GNL2: variants seen among roughly 807,000 people sequenced by gnomAD.
GNL2 encodes the protein G protein nucleolar 2.
A neutral mutation model predicts 92.3 loss-of-function variants in GNL2; 51 were observed. That is an observed-to-expected ratio of 0.55 (90% CI 0.44 to 0.70). The LOEUF (loss-of-function observed/expected upper bound fraction) is 0.70. Ranked by LOEUF, GNL2 falls within the 30% of genes least tolerant of loss-of-function variation. The pLI is 0.00. For missense variants in GNL2, 844 were observed against 895.6 expected (o/e 0.94, Z 0.74); for synonymous variants, 283 against 300.6 (o/e 0.94, Z 0.61).
chr1:37,579,252 A>G (rs1466221427), intron 8 of GNL2, among the ~76,000 whole-genome samples: 1 of 152,216 alleles, frequency 6.6e-6, no homozygotes, highest in African/African-American at 2.4e-5. Context: ...CTGGATGATC[A>G]AAACAAGGAA....
rs372227232 is a variant in GNL2, at chr1:37,575,044, AC to A, written c.1144-222del. 1.8e-4 allele frequency among the ~76,000 whole-genome samples: 27 copies of A among 152,126 alleles called. No individual in the cohort carries two copies. The East Asian group carries it at 4.1e-3, about 23-fold the overall frequency. ...AGCCCAGAACTCAGCTTTAATCCCC[AC>A]TCACCACAAACTAACTGTGTGGCTG... On this transcript the variant is annotated intron_variant, in intron 10 of 15. Coordinates refer to ENST00000373062, the MANE Select transcript of GNL2 (RefSeq NM_013285.3). This position sits in a 1 kb window ranked among gnomAD's most constrained non-coding sequence, Gnocchi z 4.1.
At chr1:37,583,656 T>C (rs113753118) in intron 6 of GNL2, among the ~76,000 whole-genome samples, 65 of 152,368 alleles carry the variant, frequency 4.3e-4, no homozygotes, top group African/African-American at 1.5e-3. Flanking sequence ...AAAAGATAGC[T>C]GTTACTCTTA....
At chr1:37,580,265 C>T (rs1261302496) in intron 8 of GNL2, among the ~76,000 whole-genome samples, 1 of 152,166 alleles carries the variant, frequency 6.6e-6, no homozygotes, top group Non-Finnish European at 1.5e-5. Flanking sequence ...TGCCACCACA[C>T]TCCAGCCTGG....
chr1:37,575,809 A>G lies in GNL2; in HGVS notation c.1039-110T>C. The G allele has an allele frequency of 3.0e-6, 2 of 669,844 alleles. No individual in the cohort carries two copies. Among genetic ancestry groups the G allele is most frequent in the Non-Finnish European group, 5.2e-6 (2 of 388,220 alleles). The allele number at this position is 669,844 out of a possible 1,614,324, so 41.5% of individuals were successfully genotyped here. ...TGGAAAGGAGGAAGGGGTGAGTCAAAGAAAAGCAACGCGCTAAGTAATTAA... is the reference window on the plus strand; with the variant it reads ...TGGAAAGGAGGAAGGGGTGAGTCAAGGAAAAGCAACGCGCTAAGTAATTAA... On this transcript the variant is annotated intron_variant, in intron 9 of 15. Coordinates refer to ENST00000373062, the MANE Select transcript of GNL2 (RefSeq NM_013285.3). This position sits in a 1 kb window ranked among gnomAD's most constrained non-coding sequence, Gnocchi z 4.1.
chr1:37,578,697 A>G (rs1643717579), intron 8 of GNL2, among the ~76,000 whole-genome samples: 1 of 152,034 alleles, frequency 6.6e-6, no homozygotes, highest in Non-Finnish European at 1.5e-5. Flanking sequence ...AGCTGGAACC[A>G]TAAGTGTGCA....
chr1:37,574,446 G>T lies in GNL2; in HGVS notation c.1313C>A (p.Pro438His). 4 of 1,613,418 alleles carry T rather than the reference G, an allele frequency of 2.5e-6. No individual in the cohort carries two copies. Among genetic ancestry groups the T allele is most frequent in the Non-Finnish European group, 3.4e-6 (4 of 1,179,470 alleles). Residue 438 changes from proline (P) to histidine (H), a missense_variant, in exon 12 of 16, where the codon CCC (proline) becomes CAC (histidine). Physicochemically the swap from Pro to His is moderately conservative, Grantham distance 77. Transcript: ENST00000373062. ...CATCTTACCCACAGTCTGCAAGTCG[G>T]GCTCTCCACCCTGAAAGGTCACAAA... is the stretch of plus-strand genomic sequence containing the variant. ...RTGKLLKGGE[P>H]DLQTVGKMVL... is the part of the protein sequence containing the mutation.
chr1:37,574,349 G>A lies in GNL2; in HGVS notation c.1410C>T (p.Ala470=), dbSNP rs1284411219. The change falls in exon 12 of 16, where the codon GCC becomes GCT. Residue 470 remains alanine, a synonymous_variant. Coordinates refer to ENST00000373062, the MANE Select transcript of GNL2 (RefSeq NM_013285.3). The part of the protein sequence containing the change: ...VKPPNAEPLV[A]PQLLPSSSLE... Reference sequence around the variant, plus strand: ...GGGCCCACCCTGCTCTTACCTGGGGGGCCACAAGTGGCTCTGCATTGGGTG... The same window carrying A: ...GGGCCCACCCTGCTCTTACCTGGGGAGCCACAAGTGGCTCTGCATTGGGTG... The A allele has an allele frequency of 3.1e-6, 5 of 1,612,190 alleles. No individual in the cohort carries two copies. Among genetic ancestry groups the A allele is most frequent in the Non-Finnish European group, 3.4e-6 (4 of 1,178,686 alleles).
chr1:37,587,662 GT>G (rs1643865129), intron 4 of GNL2, among the ~76,000 whole-genome samples, 167 bp from the exon 5 acceptor site: 1 of 152,198 alleles, frequency 6.6e-6, no homozygotes, highest in African/African-American at 2.4e-5. Flanking sequence ...AGAATTACTT[GT>G]TGAAATGGCA....
chr1:37,579,895 C>CAAAAAAAAAAAAAAAAAAAAAAAAA (rs34353424), intron 8 of GNL2, among the ~76,000 whole-genome samples: 1 of 73,884 alleles, frequency 1.4e-5, no homozygotes, highest in Non-Finnish European at 2.6e-5. Flanking sequence ...GACTCTGCCT[C>CAAAAAAAAAAAAAAAAAAAAAAAAA]AAAAAAAAAA....
chr1:37,579,801 C>G (rs1302748831), intron 8 of GNL2, among the ~76,000 whole-genome samples: 14 of 146,318 alleles, frequency 9.6e-5, no homozygotes, highest in Admixed American at 8.5e-4. Flanking sequence ...GAGGCTGAGG[C>G]AGGAGAATCG....
chr1:37,581,843 T>G (rs1194051874), intron 8 of GNL2, among the ~76,000 whole-genome samples: 1 of 152,142 alleles, frequency 6.6e-6, no homozygotes, highest in Non-Finnish European at 1.5e-5. Flanking sequence ...TTTTGTATTT[T>G]TAGTAGAGAC....
Position 37,590,988 on chromosome 1 carries a change from TAA to T in GNL2, c.245-145_245-144del, listed in dbSNP as rs1643884515. 9 of 746,984 alleles carry T rather than the reference TAA, an allele frequency of 1.2e-5. No individual in the cohort carries two copies. In the South Asian group the frequency reaches 1.8e-4, roughly 15 times the overall value. 46.3% of individuals were successfully genotyped at this position (746,984 alleles called of 1,614,324 possible). A position where few individuals can be genotyped will look rare whatever the true frequency, so the allele number is the denominator to read the frequency against. On this transcript the variant is annotated intron_variant, in intron 3 of 15. Coordinates refer to ENST00000373062, the MANE Select transcript of GNL2 (RefSeq NM_013285.3). Reference sequence around the variant, plus strand: ...CATCCCTTGGAGCTGTTTTCAAACTTAAAAGAGGAAAAAACCAAAAAACTGCC... The same window carrying T: ...CATCCCTTGGAGCTGTTTTCAAACTTAAGAGGAAAAAACCAAAAAACTGCC...
intron 9 of GNL2, 168 bp downstream of exon 9, chr1:37,576,260 A>T: frequency 1.7e-6 from 1 of 604,010 alleles, no homozygotes. Flanking sequence ...CAGTCTTATC[A>T]AAGTGGGCAG....
intron 8 of GNL2, among the ~76,000 whole-genome samples, chr1:37,578,590 C>T (rs1260524411): frequency 6.6e-6 from 1 of 151,628 alleles, no homozygotes; most frequent in Non-Finnish European, 1.5e-5. Flanking sequence ...CAGGGTCTTC[C>T]CTTGTCAACC....
At chr1:37,574,194 A>C in intron 12 of GNL2, 149 bp downstream of exon 12, 1 of 424,562 alleles carries the variant, frequency 2.4e-6, no homozygotes, top group East Asian at 3.7e-5. Context: ...GCCCGGCCCC[A>C]AAAATATTTT....
At position 37,568,300 on chromosome 1, in the gene GNL2, T is replaced by G; in HGVS notation, c.1926A>C (p.Thr642=). The G allele has an allele frequency of 6.2e-7, 1 of 1,603,938 alleles. No individual in the cohort carries two copies. The change falls in exon 14 of 16, where the codon ACA becomes ACC. Residue 642 remains threonine (T), a synonymous_variant. Transcript: ENST00000373062. ...IFAKPEEQRK[T]LEEDVDDRAP... ...CTCTGTCATCTACATCTTCTTCCAGTGTTTTTCTTTGTTCTTCAGGTTTTG... is the reference window on the plus strand; with the variant it reads ...CTCTGTCATCTACATCTTCTTCCAGGGTTTTTCTTTGTTCTTCAGGTTTTG...
chr1:37,581,486 G>A (rs914488086), intron 8 of GNL2: 11 of 455,952 alleles, frequency 2.4e-5, no homozygotes, highest in Admixed American at 1.9e-4. Flanking sequence ...GGCTCCATGG[G>A]CAGAGGATGC....
Position 37,575,242 on chromosome 1 carries a change from TC to T in GNL2, c.1143+352del, listed in dbSNP as rs1643660312. Among the ~76,000 whole-genome samples, 1 of 152,210 alleles carries T rather than the reference TC, an allele frequency of 6.6e-6. No homozygotes were observed. Among genetic ancestry groups the T allele is most frequent in the Non-Finnish European group, 1.5e-5 (1 of 68,036 alleles). ...GTTAAGTGGAACCATTTACAGTTTT[TC>T]AGTCGTATTCAGAAACAAGTGAGGA... is the stretch of plus-strand genomic sequence containing the variant. On this transcript the variant is annotated intron_variant, in intron 10 of 15. Transcript: ENST00000373062. The surrounding 1 kb of genome is among the most constrained non-coding windows in gnomAD (Gnocchi z 4.1).
chr1:37,583,448 T>TA lies in GNL2; in HGVS notation c.636+418dup, dbSNP rs1643803055. Reference sequence around the variant, plus strand: ...AAGATCACTGGATCAGAAATCAAGATATACAAAGCCTCCTTCACTAACAAG... The same window carrying TA: ...AAGATCACTGGATCAGAAATCAAGATAATACAAAGCCTCCTTCACTAACAAG... On this transcript the variant is annotated intron_variant, in intron 6 of 15. Transcript: ENST00000373062. 5 of 160,938 alleles carry TA rather than the reference T, an allele frequency of 3.1e-5. No homozygotes were observed. The Admixed American group carries it at 3.2e-4, about 10-fold the overall frequency. 10.0% of individuals were successfully genotyped at this position (160,938 alleles called of 1,614,324 possible). A position where few individuals can be genotyped will look rare whatever the true frequency, so the allele number is the denominator to read the frequency against.
Sources: gnomAD v4.1 joint callset for allele counts (sites outside exome capture counted in the v4.1 genomes callset) on GRCh38, gnomAD v4.1.1 for gene constraint, Gnocchi (gnomAD v3.1) non-coding constraint, MANE v1.5 for transcripts, NCBI Gene and HGNC (gene_info 2026-07-23, HGNC 2026-07-21) for gene names.